The following RECK variants were observed in gnomAD, a reference collection of about 807,000 sequenced individuals.
RECK encodes the protein reversion-inducing cysteine-rich protein with Kazal motifs.
A neutral mutation model predicts 115.1 loss-of-function variants in RECK; 69 were observed. The ratio of observed to expected loss-of-function variants is 0.60; its 90% CI spans 0.49 to 0.73. RECK has a LOEUF of 0.73. Ranked by LOEUF, RECK falls within the 30% of genes least tolerant of loss-of-function variation. The probability of loss-of-function intolerance (pLI) is 0.00; values close to 1 mark genes in which losing one functional copy is unlikely to be tolerated. For synonymous variants in RECK, 414 were observed against 419.7 expected (o/e 0.99, Z 0.17); for missense variants, 1,047 against 1,203.7 (o/e 0.87, Z 1.93).
At chr9:36,080,908 G>A (rs565301537) in intron 7 of RECK, among the ~76,000 whole-genome samples, 43 of 152,280 alleles carry the variant, frequency 2.8e-4, no homozygotes, top group African/African-American at 1.0e-3. Context: ...CGAGTGCTAC[G>A]TCTCAGTTCA....
chr9:36,052,156 T>C, intron 1 of RECK, 109 bp from the exon 2 acceptor site: 1 of 675,010 alleles, frequency 1.5e-6, no homozygotes, highest in Non-Finnish European at 2.7e-6. Context: ...AAATTAATAA[T>C]AATAATAATC....
rs755315809 is a variant in RECK at position 36,083,357 on chromosome 9, C to T, written c.440-8C>T. ...CCATGTCAGTGCCTTCTCTTTTTTT[C>T]TCCATAGTGGGCTCGGTTTGTTGCA... On this transcript the variant is annotated splice_region_variant and splice_polypyrimidine_tract_variant and intron_variant, in intron 7 of 20. Coordinates refer to ENST00000377966, the MANE Select transcript of RECK (RefSeq NM_021111.3). The T allele has an allele frequency of 4.4e-6, 7 of 1,604,116 alleles. No homozygotes were observed. In the African/African-American group the frequency reaches 9.4e-5, roughly 22 times the overall value.
At chr9:36,093,678 A>C (rs1297224788) in intron 10 of RECK, among the ~76,000 whole-genome samples, 1 of 152,190 alleles carries the variant, frequency 6.6e-6, no homozygotes, top group South Asian at 2.1e-4. Context: ...GGAGCAGAAA[A>C]ATATTTGATT....
At position 36,037,053 on chromosome 9, in the gene RECK, G is replaced by T; in HGVS notation, c.55G>T (p.Ala19Ser). 7.2e-7 allele frequency: 1 copy of T among 1,397,894 alleles called. No homozygotes were observed. 86.6% of individuals were successfully genotyped at this position (1,397,894 alleles called of 1,614,324 possible). ...TGCGCTGCTCCTTCTGCTGGCCGTG[G>T]CGGGGGTCGCGGAGGTGGCAGGGGG... is the stretch of plus-strand genomic sequence containing the variant. ...RGALLLLLAV[A>S]GVAEVAGGLA... The change falls in exon 1 of 21, where the codon GCG (alanine) becomes TCG (serine). Residue 19 changes from alanine (A) to serine (S), a missense_variant. Coordinates refer to ENST00000377966, the MANE Select transcript of RECK (RefSeq NM_021111.3).
rs907089177 is a variant in RECK at position 36,123,803 on chromosome 9, G to A, written c.*758G>A. 2.6e-4 allele frequency: 40 copies of A among 152,262 alleles called. No individual in the cohort carries two copies. Among genetic ancestry groups the A allele is most frequent in the African/African-American group, 6.5e-4 (27 of 41,410 alleles). 9.4% of individuals were successfully genotyped at this position (152,262 alleles called of 1,614,324 possible). A position where few individuals can be genotyped will look rare whatever the true frequency, so the allele number is the denominator to read the frequency against. The stretch of plus-strand genomic sequence containing the variant: ...TATATTAACCAGATATATATTCATC[G>A]GTATTCATCCAAGTTAAATGTAGAG... On this transcript the variant is annotated 3_prime_UTR_variant, in exon 21 of 21. Coordinates refer to ENST00000377966, the MANE Select transcript of RECK (RefSeq NM_021111.3).
At chr9:36,042,109 T>C (rs948081025) in intron 1 of RECK, among the ~76,000 whole-genome samples, 2 of 151,946 alleles carry the variant, frequency 1.3e-5, no homozygotes, top group Non-Finnish European at 2.9e-5. Flanking sequence ...TGGTATTTGG[T>C]TACATGAATA....
intron 14 of RECK, among the ~76,000 whole-genome samples, chr9:36,109,176 C>A (rs1043159845): frequency 3.3e-5 from 5 of 152,126 alleles, no homozygotes; most frequent in Non-Finnish European, 5.9e-5. Context: ...ATTTCACTGA[C>A]TAAATGCCTA....
intron 1 of RECK, among the ~76,000 whole-genome samples, chr9:36,048,115 C>T (rs116614231): frequency 8.8e-5 from 11 of 124,438 alleles, no homozygotes; most frequent in Non-Finnish European, 1.4e-4. Flanking sequence ...CACGCACAGA[C>T]ACACAGGTTG....
At chr9:36,069,321 C>T (rs983019144) in intron 6 of RECK, among the ~76,000 whole-genome samples, 2 of 151,844 alleles carry the variant, frequency 1.3e-5, no homozygotes, top group African/African-American at 4.8e-5. Flanking sequence ...GGGTGGATCA[C>T]CTGACGTCAG....
At chr9:36,039,994 G>A (rs1289122073) in intron 1 of RECK, among the ~76,000 whole-genome samples, 1 of 152,170 alleles carries the variant, frequency 6.6e-6, no homozygotes, top group African/African-American at 2.4e-5. Context: ...GCCACTTGTA[G>A]AAGAAAATGG....
chr9:36,081,464 A>G (rs975627412), intron 7 of RECK, among the ~76,000 whole-genome samples: 4 of 152,104 alleles, frequency 2.6e-5, no homozygotes, highest in East Asian at 3.9e-4. Context: ...GTCTGTTCTT[A>G]TATGTCCTCA....
chr9:36,091,381 A>G, intron 10 of RECK, 38 bp downstream of exon 10: 1 of 1,326,884 alleles, frequency 7.5e-7, no homozygotes, highest in South Asian at 1.7e-5. Flanking sequence ...GAAATATTTT[A>G]TCATTAATTA....
rs143337188 is a variant in RECK at position 36,102,181 on chromosome 9, G to A, written c.1386G>A (p.Leu462=). The A allele has an allele frequency of 5.6e-6, 9 of 1,613,604 alleles. No homozygotes were observed. Among genetic ancestry groups the A allele is most frequent in the Non-Finnish European group, 6.8e-6 (8 of 1,179,694 alleles). ...CAGCTGAAAGTATTTGTGAGCTTCT[G>A]TCACCTACAGATGATCTGAAGAATT... The part of the protein sequence containing the change: ...DHTAESICEL[L]SPTDDLKNCI... Residue 462 remains leucine, a synonymous_variant, in exon 12 of 21, where the codon CTG becomes CTA. Coordinates refer to ENST00000377966, the MANE Select transcript of RECK (RefSeq NM_021111.3).
At chr9:36,106,498 AGAGTGCTGG>A (rs1250716823) in intron 13 of RECK, among the ~76,000 whole-genome samples, 1 of 151,776 alleles carries the variant, frequency 6.6e-6, no homozygotes, top group Non-Finnish European at 1.5e-5. Context: ...TCAGCCTCTC[AGAGTGCTGG>A]GATTACAGGT....
intron 9 of RECK, among the ~76,000 whole-genome samples, chr9:36,090,858 T>C (rs1823130075): frequency 6.6e-6 from 1 of 152,040 alleles, no homozygotes; most frequent in African/African-American, 2.4e-5. Context: ...CAGAAAGATA[T>C]AGGGGGAAAT....
chr9:36,069,640 T>TG (rs1171767736), intron 6 of RECK, among the ~76,000 whole-genome samples: 1 of 151,888 alleles, frequency 6.6e-6, no homozygotes, highest in Admixed American at 6.6e-5. Context: ...AGAAATTATA[T>TG]GGAAAAGAAA....
At chr9:36,088,010 A>G in intron 9 of RECK, 49 bp downstream of exon 9, 1 of 1,424,280 alleles carries the variant, frequency 7.0e-7, no homozygotes, top group Non-Finnish European at 9.8e-7. Flanking sequence ...ATGGCATTTT[A>G]ATTAATGATT....
chr9:36,118,646 A>C (rs1824351523), intron 17 of RECK, 111 bp from the exon 18 acceptor site: 3 of 1,030,152 alleles, frequency 2.9e-6, no homozygotes, highest in Non-Finnish European at 4.2e-6. Flanking sequence ...CTCATAATTT[A>C]TACCTGTGTC....
chr9:36,120,853 C>A, intron 19 of RECK, 117 bp downstream of exon 19: 1 of 747,178 alleles, frequency 1.3e-6, no homozygotes, highest in Non-Finnish European at 2.2e-6. Flanking sequence ...TTCAGAAAAG[C>A]AACTTTCCCA....
Sources: gnomAD v4.1 joint callset for allele counts (sites outside exome capture counted in the v4.1 genomes callset) on GRCh38, gnomAD v4.1.1 for gene constraint, MANE v1.5 for transcripts, NCBI Gene and HGNC (gene_info 2026-07-23, HGNC 2026-07-21) for gene names.